The following RNF220 variants were observed in gnomAD, a reference collection of about 807,000 sequenced individuals.
The protein encoded by RNF220 is E3 ubiquitin-protein ligase RNF220.
RNF220 carries 7 observed loss-of-function variants against 67.1 expected under a neutral mutation model. That is an observed-to-expected ratio of 0.10 (90% CI 0.06 to 0.20). RNF220 has a LOEUF of 0.20. Ranked by LOEUF, RNF220 falls within the 10% of genes least tolerant of loss-of-function variation. RNF220 has a pLI of 1.00. For synonymous variants in RNF220, 270 were observed against 283.2 expected (o/e 0.95, Z 0.47); for missense variants, 565 against 740.3 (o/e 0.76, Z 2.75).
At chr1:44,448,539 C>T (rs1443350490) in intron 2 of RNF220, among the ~76,000 whole-genome samples, 2 of 152,214 alleles carry the variant, frequency 1.3e-5, no homozygotes, top group Non-Finnish European at 2.9e-5. Context: ...CTTGATGACA[C>T]TGATGAAAAA....
intron 2 of RNF220, among the ~76,000 whole-genome samples, chr1:44,577,269 G>C (rs982349125): frequency 1.3e-5 from 2 of 152,036 alleles, no homozygotes; most frequent in African/African-American, 4.8e-5. Context: ...GCCTTCTCCA[G>C]TATTTTCAGC....
intron 2 of RNF220, among the ~76,000 whole-genome samples, chr1:44,485,748 A>G (rs952556481): frequency 6.6e-6 from 1 of 152,182 alleles, no homozygotes; most frequent in African/African-American, 2.4e-5. Flanking sequence ...TTTGCTTGTA[A>G]TGTGAGCGAC....
chr1:44,561,360 A>C (rs1377475210), intron 2 of RNF220, among the ~76,000 whole-genome samples: 1 of 152,162 alleles, frequency 6.6e-6, no homozygotes, highest in Admixed American at 6.5e-5. Flanking sequence ...AAATACAAAA[A>C]TTAGCTGGGC....
At chr1:44,640,707 T>C (rs1304261484) in intron 8 of RNF220, among the ~76,000 whole-genome samples, 1 of 152,214 alleles carries the variant, frequency 6.6e-6, no homozygotes, top group East Asian at 1.9e-4. Context: ...CAGGTGACAC[T>C]GCAGGCCGAT....
intron 9 of RNF220, 50 bp downstream of exon 9, chr1:44,644,844 G>A (rs772440016): frequency 5.1e-6 from 8 of 1,559,446 alleles, no homozygotes; most frequent in Non-Finnish European, 7.1e-6. Context: ...GGCAGGCACA[G>A]GGAATAAGAA....
intron 2 of RNF220, among the ~76,000 whole-genome samples, chr1:44,426,258 G>A (rs1649760672): frequency 1.3e-5 from 2 of 152,298 alleles, no homozygotes; most frequent in Admixed American, 1.3e-4. Context: ...GAATCAAGTC[G>A]AAGAGGGCTT....
chr1:44,549,188 C>T (rs1229080853), intron 2 of RNF220, among the ~76,000 whole-genome samples: 2 of 152,080 alleles, frequency 1.3e-5, no homozygotes, highest in South Asian at 2.1e-4. Context: ...GACTCTGTCT[C>T]GGGAAAAACA....
intron 2 of RNF220, among the ~76,000 whole-genome samples, chr1:44,574,026 G>A (rs2148326523): frequency 6.6e-6 from 1 of 152,286 alleles, no homozygotes; most frequent in Middle Eastern, 3.4e-3. Flanking sequence ...GCTGAGGTGG[G>A]AGCATCACCT....
intron 2 of RNF220, among the ~76,000 whole-genome samples, chr1:44,553,834 T>C (rs1662862252): frequency 6.6e-6 from 1 of 152,142 alleles, no homozygotes; most frequent in Non-Finnish European, 1.5e-5. Context: ...ACTTCAGAGC[T>C]AGCAACGACA....
chr1:44,555,182 C>T (rs574309649), intron 2 of RNF220, among the ~76,000 whole-genome samples: 14 of 152,170 alleles, frequency 9.2e-5, no homozygotes, highest in African/African-American at 3.4e-4. Flanking sequence ...ATTCTCCTAC[C>T]TCAACCTCCT....
intron 2 of RNF220, among the ~76,000 whole-genome samples, chr1:44,593,011 G>T (rs370521565): frequency 4.4e-4 from 67 of 152,286 alleles, no homozygotes; most frequent in African/African-American, 1.5e-3. Flanking sequence ...TGGGGGGGAT[G>T]GGCCCAGAGC....
At chr1:44,527,946 A>AAAAAAAAAAAAAAAAC in intron 2 of RNF220, among the ~76,000 whole-genome samples, 1 of 150,162 alleles carries the variant, frequency 6.7e-6, no homozygotes, top group Non-Finnish European at 1.5e-5. Flanking sequence ...AAAAAAAAAA[A>AAAAAAAAAAAAAAAAC]AAAAAGTTAA....
intron 2 of RNF220, among the ~76,000 whole-genome samples, chr1:44,491,758 G>A (rs948484629): frequency 2.6e-5 from 4 of 152,014 alleles, no homozygotes; most frequent in African/African-American, 7.2e-5. Flanking sequence ...CTGTCTCTTT[G>A]GTTCAAGCAA....
At chr1:44,549,083 A>C (rs1662405184) in intron 2 of RNF220, among the ~76,000 whole-genome samples, 1 of 152,170 alleles carries the variant, frequency 6.6e-6, no homozygotes. Context: ...GGTACTCAGG[A>C]GGCTGAGACA....
intron 2 of RNF220, among the ~76,000 whole-genome samples, chr1:44,488,396 T>C (rs6661026): frequency 0.67 from 101,642 of 151,954 alleles, 36,267 homozygotes; most frequent in Middle Eastern, 0.81. Context: ...CCCAAAGTGC[T>C]GGGATTACAG....
chr1:44,615,141 T>C (rs462571), intron 3 of RNF220, among the ~76,000 whole-genome samples: 9,275 of 152,244 alleles, frequency 0.061, 386 homozygotes, highest in South Asian at 0.13. Flanking sequence ...GGCTTCTCCA[T>C]GTGGCCTGGG....
intron 2 of RNF220, among the ~76,000 whole-genome samples, chr1:44,609,429 G>A (rs187858094): frequency 6.6e-6 from 1 of 152,336 alleles, no homozygotes; most frequent in East Asian, 1.9e-4. Flanking sequence ...AAGCCAGAGA[G>A]GCAATCACAC....
At chr1:44,425,438 C>A (rs770181470) in intron 2 of RNF220, among the ~76,000 whole-genome samples, 3 of 152,238 alleles carry the variant, frequency 2.0e-5, no homozygotes, top group Non-Finnish European at 4.4e-5. Flanking sequence ...GTTTCTTCTG[C>A]TGAGTTTGCA....
intron 2 of RNF220, among the ~76,000 whole-genome samples, chr1:44,602,526 G>T (rs1246334949): frequency 6.6e-6 from 1 of 152,080 alleles, no homozygotes; most frequent in African/African-American, 2.4e-5. Context: ...TGGGAAGGTA[G>T]TGGAGAGACA....
Sources: allele counts gnomAD v4.1 joint callset (sites outside exome capture counted in the v4.1 genomes callset), GRCh38; gene constraint gnomAD v4.1.1; transcripts MANE v1.5; gene names NCBI Gene and HGNC (gene_info 2026-07-23, HGNC 2026-07-21).